The following DNPEP variants were observed in gnomAD, a reference collection of about 807,000 sequenced individuals.
DNPEP encodes the protein aspartyl aminopeptidase.
A neutral mutation model predicts 59.1 loss-of-function variants in DNPEP; 46 were observed. That is an observed-to-expected ratio of 0.78 (90% CI 0.61 to 0.99). The LOEUF (loss-of-function observed/expected upper bound fraction) is 0.99. Ranked by LOEUF, DNPEP falls within the 50% of genes least tolerant of loss-of-function variation. The pLI, the probability that DNPEP is intolerant of heterozygous loss-of-function variation, is 0.00. For synonymous variants in DNPEP, 229 were observed against 242.2 expected (o/e 0.95, Z 0.50); for missense variants, 617 against 649.9 (o/e 0.95, Z 0.55).
rs1203410496 is a variant in DNPEP, at chr2:219,381,428, C to T, written c.1146G>A (p.Val382=). The T allele has an allele frequency of 3.7e-6, 6 of 1,614,102 alleles. No individual in the cohort carries two copies. Among genetic ancestry groups the T allele is most frequent in the African/African-American group, 1.3e-5 (1 of 74,938 alleles). The change falls in exon 13 of 15, where the codon GTG becomes GTA. Residue 382 remains valine, a synonymous_variant. Coordinates refer to ENST00000273075, the MANE Select transcript of DNPEP (RefSeq NM_012100.4). ...NHRPLFHKGP[V]IKVNSKQRYA... ...AGCGTTGCTTGCTGTTCACCTTGATCACGGGGCCCTGGGGAGAGTCAAGGT... is the reference window on the plus strand; with the variant it reads ...AGCGTTGCTTGCTGTTCACCTTGATTACGGGGCCCTGGGGAGAGTCAAGGT...
In DNPEP at chr2:219,387,586, G is replaced by T; in HGVS notation, c.36+173C>A. ...CTCTCTCGCACCCACCTAGTCTCTC[G>T]CAGGACTCCCCCTTCCAGTCCCGGG... On this transcript the variant is annotated intron_variant, in intron 1 of 14. Transcript: ENST00000273075. 2.6e-6 allele frequency: 4 copies of T among 1,517,384 alleles called. No individual in the cohort carries two copies. In the South Asian group the frequency reaches 5.0e-5, roughly 19 times the overall value. 94.0% of individuals were successfully genotyped at this position (1,517,384 alleles called of 1,614,324 possible). A position where few individuals can be genotyped will look rare whatever the true frequency, so the allele number is the denominator to read the frequency against.
chr2:219,384,486 C>G (rs762760569), intron 8 of DNPEP, 43 bp from the exon 9 acceptor site: 1 of 1,537,752 alleles, frequency 6.5e-7, no homozygotes, highest in Non-Finnish European at 8.9e-7. Flanking sequence ...ACCCTCCACC[C>G]CCACTCACCT....
chr2:219,397,771 G>A (rs552279136), intron 1 of DNPEP, among the ~76,000 whole-genome samples: 1 of 152,166 alleles, frequency 6.6e-6, no homozygotes, highest in South Asian at 2.1e-4. Flanking sequence ...TGTATTTTTA[G>A]TAGAGACAAG....
Sources: allele counts gnomAD v4.1 joint callset (sites outside exome capture counted in the v4.1 genomes callset), GRCh38; gene constraint gnomAD v4.1.1; transcripts MANE v1.5; gene names NCBI Gene and HGNC (gene_info 2026-07-23, HGNC 2026-07-21).